The following RERE variants were observed in gnomAD, a reference collection of about 807,000 sequenced individuals.
RERE encodes the protein arginine-glutamic acid dipeptide repeats, also known as arginine-glutamic acid dipeptide repeats protein.
In RERE, 40 loss-of-function variants were observed where a neutral mutation model predicts 146.1. The observed-to-expected ratio is 0.27, with a 90% confidence interval of 0.21 to 0.36. The LOEUF is 0.36. Ranked by LOEUF, RERE falls within the 10% of genes least tolerant of loss-of-function variation. The pLI is 1.00. For missense variants in RERE, 1,933 were observed against 2,138.7 expected, an observed-to-expected ratio of 0.90 and a Z score of 1.90; for synonymous variants, 1,003 against 866.0, an observed-to-expected ratio of 1.16 and a Z score of -2.78.
intron 1 of RERE, among the ~76,000 whole-genome samples, chr1:8,760,029 T>A (rs111469264): frequency 1.2e-3 from 183 of 152,294 alleles, no homozygotes; most frequent in African/African-American, 3.9e-3. Context: ...AGTTTAGTTT[T>A]GTTTTGTTTT....
chr1:8,568,622 T>C (rs1036966099), intron 4 of RERE, among the ~76,000 whole-genome samples: 2 of 152,308 alleles, frequency 1.3e-5, no homozygotes, highest in South Asian at 2.1e-4. Context: ...TACCACATTA[T>C]GGCACAGCAC....
chr1:8,597,089 G>GT (rs1570485857), intron 4 of RERE, among the ~76,000 whole-genome samples: 2 of 108,544 alleles, frequency 1.8e-5, no homozygotes, highest in East Asian at 7.8e-4. Context: ...TACTGATGCT[G>GT]ATTTTTTTTT....
chr1:8,448,527 G>A (rs898842044), intron 11 of RERE, among the ~76,000 whole-genome samples: 36 of 152,224 alleles, frequency 2.4e-4, no homozygotes, highest in Admixed American at 1.5e-3. Context: ...GGGAGGCCGA[G>A]GCGGGTGGAT....
Position 8,576,520 on chromosome 1 carries a change from A to G in RERE, c.523-18997T>C, listed in dbSNP as rs1398777979. 2.6e-5 allele frequency among the ~76,000 whole-genome samples: 4 copies of G among 152,242 alleles called. No individual in the cohort carries two copies. The South Asian group carries it at 8.3e-4, about 31-fold the overall frequency. On this transcript the variant is annotated intron_variant, in intron 4 of 22. Transcript: ENST00000400908. ...GCAGGGAAAGATGAACTATTTAATG[A>G]GTTTGTAGAGATTCCTAGAAAGTCA...
intron 12 of RERE, among the ~76,000 whole-genome samples, chr1:8,402,769 G>C (rs1557612894): frequency 2.6e-5 from 4 of 152,126 alleles, no homozygotes. Context: ...AAGTTGTGAA[G>C]CTTGCCTTCT....
intron 11 of RERE, among the ~76,000 whole-genome samples, chr1:8,454,200 A>T (rs1644423288): frequency 6.6e-6 from 1 of 152,248 alleles, no homozygotes; most frequent in Non-Finnish European, 1.5e-5. Context: ...GAAAAATAAA[A>T]GTATGATCAA....
intron 1 of RERE, among the ~76,000 whole-genome samples, chr1:8,713,816 T>A (rs907382980): frequency 6.6e-6 from 1 of 152,162 alleles, no homozygotes; most frequent in South Asian, 2.1e-4. Context: ...ATACCTAACA[T>A]TAAAGGTATT....
rs1186718390 is a variant in RERE, at chr1:8,369,508, T to TAAAAAAAAAAAAAAAAAAAAAAA, written c.1285-3557_1285-3535dup. The stretch of plus-strand genomic sequence containing the variant: ...ATCGAATAAATCTTTCGCCTTTTAC[T>TAAAAAAAAAAAAAAAAAAAAAAA]AAAAAAAAAAAAAAAAAAAAAAAAA... On this transcript the variant is annotated intron_variant, in intron 12 of 22. Transcript: ENST00000400908. Among the ~76,000 whole-genome samples the TAAAAAAAAAAAAAAAAAAAAAAA allele has an allele frequency of 3.9e-4, 30 of 76,898 alleles. 1 individual carries two copies. Among genetic ancestry groups the TAAAAAAAAAAAAAAAAAAAAAAA allele is most frequent in the African/African-American group, 1.2e-3 (29 of 23,660 alleles). The allele number at this position is 76,898 out of a possible 152,430, so 50.4% of individuals were successfully genotyped here. A position where few individuals can be genotyped will look rare whatever the true frequency, so the allele number is the denominator to read the frequency against.
At position 8,536,104 on chromosome 1, in the gene RERE, CA is replaced by C. The variant is rs35142876; in HGVS notation, c.830+5109del. Among the ~76,000 whole-genome samples the C allele has an allele frequency of 4.0e-3, 419 of 105,194 alleles. 2 individuals carry two copies. The highest frequency in any genetic ancestry group is 6.9e-3 in the Admixed American group (72 of 10,372). 69.0% of individuals were successfully genotyped at this position (105,194 alleles called of 152,430 possible). A position where few individuals can be genotyped will look rare whatever the true frequency, so the allele number is the denominator to read the frequency against. On this transcript the variant is annotated intron_variant, in intron 7 of 22. Transcript: ENST00000400908. The stretch of plus-strand genomic sequence containing the variant: ...CTGGCGATAGAGCGAGACTCCATCT[CA>C]AAAAAAAAAAAAAAAATCAGATATT...
Position 8,656,088 on chromosome 1 carries a change from C to T in RERE, c.210G>A (p.Glu70=). The change falls in exon 2 of 23, where the codon GAG becomes GAA. Residue 70 remains glutamate (E), a synonymous_variant. Coordinates refer to ENST00000400908, the MANE Select transcript of RERE (RefSeq NM_001042681.2). The stretch of plus-strand genomic sequence containing the variant: ...GTTTCTTCTTATTCTTCTTCGTGGA[C>T]TCCTCTGCGGTGGCACTATTGTTGT... ...DNDNNSATAE[E]STKKNKKKPP... 6.2e-7 allele frequency: 1 copy of T among 1,614,030 alleles called. No individual in the cohort carries two copies. The highest frequency in any genetic ancestry group is 8.5e-7 in the Non-Finnish European group (1 of 1,179,996).
At chr1:8,744,770 A>G (rs1360263250) in intron 1 of RERE, among the ~76,000 whole-genome samples, 1 of 152,234 alleles carries the variant, frequency 6.6e-6, no homozygotes. Flanking sequence ...CAAATAAAAT[A>G]TATGTTCCCC....
intron 7 of RERE, among the ~76,000 whole-genome samples, chr1:8,518,670 G>T (rs770359322): frequency 6.6e-6 from 1 of 152,200 alleles, no homozygotes; most frequent in African/African-American, 2.4e-5. Context: ...TAAGAAGGAA[G>T]ACTAGTGCAA....
intron 7 of RERE, among the ~76,000 whole-genome samples, chr1:8,517,885 A>T (rs191605868): frequency 6.6e-6 from 1 of 152,262 alleles, no homozygotes; most frequent in South Asian, 2.1e-4. Flanking sequence ...AGAAAGGAGC[A>T]GGGAGCCTGT....
intron 1 of RERE, among the ~76,000 whole-genome samples, chr1:8,727,195 T>A (rs1639988653): frequency 6.6e-6 from 1 of 151,956 alleles, no homozygotes; most frequent in South Asian, 2.1e-4. Flanking sequence ...CAGGCTGGAG[T>A]GCAGTGGCGC....
chr1:8,814,786 T>C (rs934389143), intron 1 of RERE, among the ~76,000 whole-genome samples: 1 of 152,202 alleles, frequency 6.6e-6, no homozygotes, highest in Non-Finnish European at 1.5e-5. Flanking sequence ...GTTTAATATT[T>C]CAAGAGAAAT....
intron 11 of RERE, among the ~76,000 whole-genome samples, chr1:8,449,437 A>G (rs964082146): frequency 6.6e-6 from 1 of 152,210 alleles, no homozygotes; most frequent in Admixed American, 6.5e-5. Flanking sequence ...AGCTGACATA[A>G]GATTATCAGC....
chr1:8,521,867 G>A (rs1453924139), intron 7 of RERE, among the ~76,000 whole-genome samples: 1 of 152,138 alleles, frequency 6.6e-6, no homozygotes, highest in Admixed American at 6.5e-5. Flanking sequence ...TAGAAATGGA[G>A]ACCGTAAGAA....
intron 1 of RERE, among the ~76,000 whole-genome samples, chr1:8,658,755 C>CAAA (rs569580732): frequency 8.4e-6 from 1 of 118,730 alleles, no homozygotes; most frequent in Non-Finnish European, 1.8e-5. Context: ...GACTCCATCT[C>CAAA]AAAAAAAAAA....
chr1:8,626,428 G>GAGCATCACCATCTTGGACA (rs1646974416), intron 2 of RERE, among the ~76,000 whole-genome samples: 1 of 152,102 alleles, frequency 6.6e-6, no homozygotes, highest in African/African-American at 2.4e-5. Flanking sequence ...GACAGAGCAG[G>GAGCATCACCATCTTGGACA]AGCATCACCA....
Sources: gnomAD v4.1 joint callset for allele counts (sites outside exome capture counted in the v4.1 genomes callset) on GRCh38, gnomAD v4.1.1 for gene constraint, MANE v1.5 for transcripts, NCBI Gene and HGNC (gene_info 2026-07-23, HGNC 2026-07-21) for gene names.